Variants in RBFOX1 observed in about 807,000 individuals in gnomAD.
The protein encoded by RBFOX1 is RNA binding protein fox-1 homolog 1.
Under a neutral mutation model 57.7 loss-of-function variants are expected in RBFOX1, and 8 were observed. The observed-to-expected ratio is 0.14, with a 90% confidence interval of 0.08 to 0.25. The LOEUF (loss-of-function observed/expected upper bound fraction) is 0.25. Ranked by LOEUF, RBFOX1 falls within the 10% of genes least tolerant of loss-of-function variation. The pLI is 1.00. For synonymous variants in RBFOX1, 326 were observed against 222.4 expected (o/e 1.47, Z -4.15); for missense variants, 611 against 548.5 (o/e 1.11, Z -1.14).
At chr16:5,358,686 G>A (rs1360289516) in intron 1 of RBFOX1, among the ~76,000 whole-genome samples, 1 of 152,178 alleles carries the variant, frequency 6.6e-6, no homozygotes, top group African/African-American at 2.4e-5. Context: ...AGCCGGGTGT[G>A]GTGGCGCATG....
Position 5,994,899 on chromosome 16 carries a change from C to G in RBFOX1, c.351+127564C>G, listed in dbSNP as rs1420980107. 3.3e-5 allele frequency among the ~76,000 whole-genome samples: 5 copies of G among 152,296 alleles called. No individual in the cohort carries two copies. In the East Asian group the frequency reaches 9.7e-4, roughly 30 times the overall value. On this transcript the variant is annotated intron_variant, in intron 4 of 19. Coordinates refer to the RBFOX1 transcript ENST00000641259. The stretch of plus-strand genomic sequence containing the variant: ...TGAGTGATGAGTTTCCACTCTTCTT[C>G]AGTGTCATGAACAGATCAACTTGCC...
chr16:7,701,478 T>TA (rs756996743), intron 14 of RBFOX1, among the ~76,000 whole-genome samples: 7 of 152,310 alleles, frequency 4.6e-5, no homozygotes, highest in Non-Finnish European at 1.0e-4. Context: ...TTTGAGAATC[T>TA]AATGCCTGAT....
intron 2 of RBFOX1, among the ~76,000 whole-genome samples, chr16:6,517,298 CTG>C (rs1224932070): frequency 6.6e-6 from 1 of 152,210 alleles, no homozygotes; most frequent in Non-Finnish European, 1.5e-5. Context: ...CCAGACATAA[CTG>C]TTCTCCCTTC....
chr16:6,161,473 A>C (rs1216537118), intron 1 of RBFOX1, among the ~76,000 whole-genome samples: 1 of 152,126 alleles, frequency 6.6e-6, no homozygotes, highest in African/African-American at 2.4e-5. Context: ...CAGCTGACTA[A>C]CAAAATAGCC....
intron 4 of RBFOX1, among the ~76,000 whole-genome samples, chr16:7,090,637 G>A (rs184330253): frequency 1.7e-3 from 265 of 152,072 alleles, no homozygotes; most frequent in African/African-American, 5.5e-3. Flanking sequence ...TGTAGTTTTC[G>A]TTGTATTTTA....
At chr16:6,645,155 T>C (rs1218386933) in intron 2 of RBFOX1, among the ~76,000 whole-genome samples, 2 of 152,176 alleles carry the variant, frequency 1.3e-5, no homozygotes, top group East Asian at 3.9e-4. Context: ...TCACATGGCT[T>C]TCTCTTCTGT....
chr16:6,354,463 A>C (rs1209040455), intron 2 of RBFOX1, among the ~76,000 whole-genome samples: 8 of 151,920 alleles, frequency 5.3e-5, no homozygotes, highest in Non-Finnish European at 1.2e-4. Flanking sequence ...GTGTTCCAAA[A>C]CGCTGTCTTG....
intron 1 of RBFOX1, among the ~76,000 whole-genome samples, chr16:5,355,116 G>T (rs2065354939): frequency 6.6e-6 from 1 of 152,046 alleles, no homozygotes; most frequent in African/African-American, 2.4e-5. Context: ...TCAATACTAG[G>T]GTCGTCTTAG....
chr16:6,870,248 A>G (rs974655237), intron 3 of RBFOX1, among the ~76,000 whole-genome samples: 1 of 152,144 alleles, frequency 6.6e-6, no homozygotes, highest in Non-Finnish European at 1.5e-5. Flanking sequence ...GGGGTGGGGC[A>G]ATGGAGAGAG....
intron 3 of RBFOX1, among the ~76,000 whole-genome samples, chr16:6,837,182 A>G (rs1025153735): frequency 1.3e-5 from 2 of 152,248 alleles, no homozygotes; most frequent in Non-Finnish European, 2.9e-5. Flanking sequence ...AAATAACTAA[A>G]ATCAGGTTAG....
intron 2 of RBFOX1, among the ~76,000 whole-genome samples, chr16:6,626,364 C>T (rs1261260439): frequency 3.9e-5 from 6 of 152,090 alleles, no homozygotes; most frequent in Non-Finnish European, 5.9e-5. Context: ...GTTGCAGGAC[C>T]TGGGAGCTGA....
At chr16:6,860,908 T>C (rs1205540957) in intron 3 of RBFOX1, among the ~76,000 whole-genome samples, 1 of 152,200 alleles carries the variant, frequency 6.6e-6, no homozygotes, top group Non-Finnish European at 1.5e-5. Flanking sequence ...TTTATATGTA[T>C]TTATATATGA....
At chr16:6,477,431 G>A (rs779385820) in intron 2 of RBFOX1, among the ~76,000 whole-genome samples, 15 of 152,150 alleles carry the variant, frequency 9.9e-5, no homozygotes, top group Non-Finnish European at 2.2e-4. Flanking sequence ...CTCCATCAGA[G>A]CTTTCCGGTG....
chr16:7,235,673 C>G (rs17561279), intron 4 of RBFOX1, among the ~76,000 whole-genome samples: 50,257 of 152,086 alleles, frequency 0.33, 8,977 homozygotes, highest in East Asian at 0.67. Context: ...GCCATGACAT[C>G]AAGAATATCC....
At chr16:7,676,166 T>A (rs1475672770) in intron 13 of RBFOX1, among the ~76,000 whole-genome samples, 1 of 152,202 alleles carries the variant, frequency 6.6e-6, no homozygotes, top group African/African-American at 2.4e-5. Flanking sequence ...TACATAACCA[T>A]GTGATATCTT....
intron 1 of RBFOX1, among the ~76,000 whole-genome samples, chr16:5,285,965 T>C (rs2063384146): frequency 6.6e-6 from 1 of 152,110 alleles, no homozygotes; most frequent in Non-Finnish European, 1.5e-5. Flanking sequence ...AGAGACAGGG[T>C]TTCACCATGT....
intron 1 of RBFOX1, among the ~76,000 whole-genome samples, chr16:6,139,365 C>T (rs981523953): frequency 6.6e-6 from 1 of 152,218 alleles, no homozygotes; most frequent in Non-Finnish European, 1.5e-5. Flanking sequence ...CTGCTGCTTT[C>T]TGGCTGTGTG....
intron 3 of RBFOX1, among the ~76,000 whole-genome samples, chr16:6,747,975 T>C (rs865929561): frequency 3.9e-5 from 6 of 152,318 alleles, no homozygotes; most frequent in Non-Finnish European, 5.9e-5. Flanking sequence ...CCTTTCTCTT[T>C]TGAAATGCAC....
chr16:5,511,112 C>CA (rs1434540703), intron 2 of RBFOX1, among the ~76,000 whole-genome samples: 5 of 152,108 alleles, frequency 3.3e-5, no homozygotes, highest in Non-Finnish European at 5.9e-5. Flanking sequence ...AGATTGTCTT[C>CA]AAAGGAATTA....
Sources: allele counts gnomAD v4.1 joint callset (sites outside exome capture counted in the v4.1 genomes callset), GRCh38; gene constraint gnomAD v4.1.1; transcripts MANE v1.5; gene names NCBI Gene and HGNC (gene_info 2026-07-23, HGNC 2026-07-21).